The following SLC22A9 variants were observed in gnomAD, a reference collection of about 807,000 sequenced individuals.
The protein encoded by SLC22A9 is organic anion transporter 7.
A neutral mutation model predicts 50.1 loss-of-function variants in SLC22A9; 64 were observed. The observed-to-expected ratio is 1.28, with a 90% CI of 1.04 to 1.57. The LOEUF is 1.57. SLC22A9 is among the 40% of genes most tolerant of loss of function. SLC22A9 has a pLI of 0.00. For synonymous variants in SLC22A9, 261 were observed against 242.5 expected, an observed-to-expected ratio of 1.08 and a Z score of -0.71; for missense variants, 757 against 676.1, an observed-to-expected ratio of 1.12 and a Z score of -1.33.
chr11:63,400,540 A>G (rs941419543), intron 6 of SLC22A9, among the ~76,000 whole-genome samples: 1 of 152,130 alleles, frequency 6.6e-6, no homozygotes, highest in Non-Finnish European at 1.5e-5. Context: ...CCATCAAAGA[A>G]CAATCTAGAA....
chr11:63,370,173 C>T lies in SLC22A9; in HGVS notation c.117C>T (p.Asn39=), dbSNP rs754633521. The change falls in exon 1 of 10, where the codon AAC becomes AAT. Residue 39 remains asparagine (N), a synonymous_variant. Coordinates refer to ENST00000279178, the MANE Select transcript of SLC22A9 (RefSeq NM_080866.3). ...CATACCTTCATTTTATGCTGGAGAA[C>T]TTCACTGCATTCATACCTGGCCATC... The part of the protein sequence containing the change: ...VATYLHFMLE[N]FTAFIPGHRC... 3.7e-6 allele frequency: 6 copies of T among 1,614,092 alleles called. No individual in the cohort carries two copies. The highest frequency in any genetic ancestry group is 5.1e-6 in the Non-Finnish European group (6 of 1,179,938).
At position 63,410,018 on chromosome 11, in the gene SLC22A9, A is replaced by T; in HGVS notation, c.*156A>T. 1 of 678,980 alleles carries T rather than the reference A, an allele frequency of 1.5e-6. No homozygotes were observed. Among genetic ancestry groups the T allele is most frequent in the Non-Finnish European group, 2.4e-6 (1 of 412,118 alleles). The allele number at this position is 678,980 out of a possible 1,614,324, so 42.1% of individuals were successfully genotyped here. A position where few individuals can be genotyped will look rare whatever the true frequency, so the allele number is the denominator to read the frequency against. ...CACCTTGGGAGGCTGAGGCGGGCAGATCATGAGGTCAGAAGATAAAGACCA... is the reference window on the plus strand; with the variant it reads ...CACCTTGGGAGGCTGAGGCGGGCAGTTCATGAGGTCAGAAGATAAAGACCA... On this transcript the variant is annotated 3_prime_UTR_variant, in exon 10 of 10. Coordinates refer to ENST00000279178, the MANE Select transcript of SLC22A9 (RefSeq NM_080866.3).
At chr11:63,394,759 G>A (rs186194311) in intron 6 of SLC22A9, among the ~76,000 whole-genome samples, 29 of 151,982 alleles carry the variant, frequency 1.9e-4, no homozygotes, top group Admixed American at 1.3e-3. Flanking sequence ...TCTTATATTC[G>A]CGTGTCTAGT....
intron 6 of SLC22A9, among the ~76,000 whole-genome samples, chr11:63,396,501 C>G (rs993247026): frequency 6.6e-6 from 1 of 152,126 alleles, no homozygotes; most frequent in Admixed American, 6.6e-5. Context: ...TGGAGGATCT[C>G]TCTTTTCTAC....
rs1241683518 is a variant in SLC22A9, at chr11:63,382,149, AT to A, written c.955-8del. 2 of 1,591,696 alleles carry A rather than the reference AT, an allele frequency of 1.3e-6. No homozygotes were observed. The highest frequency in any genetic ancestry group is 1.4e-5 in the African/African-American group (1 of 73,512). ...AACTGTACAGTTTATTGTTTCTGCT[AT>A]TGTTGAAGATTTTGAAATCCACCAT... is the stretch of plus-strand genomic sequence containing the variant. On this transcript the variant is annotated splice_polypyrimidine_tract_variant and intron_variant, in intron 5 of 9. Coordinates refer to ENST00000279178, the MANE Select transcript of SLC22A9 (RefSeq NM_080866.3).
intron 1 of SLC22A9, among the ~76,000 whole-genome samples, chr11:63,370,689 G>T (rs534596837): frequency 6.6e-6 from 1 of 152,148 alleles, no homozygotes; most frequent in Non-Finnish European, 1.5e-5. Flanking sequence ...GGAGACCAAA[G>T]TTTAAACAAG....
At position 63,369,957 on chromosome 11, in the gene SLC22A9, C is replaced by A; in HGVS notation, c.-100C>A. 1 of 1,220,124 alleles carries A rather than the reference C, an allele frequency of 8.2e-7. No individual in the cohort carries two copies. 75.6% of individuals were successfully genotyped at this position (1,220,124 alleles called of 1,614,324 possible). On this transcript the variant is annotated 5_prime_UTR_variant, in exon 1 of 10. Transcript: ENST00000279178. ...GAAGAGAGTGGGGTCAGGATCAAAA[C>A]ACATTTAGTGTGACTTAGGGAAAGA...
intron 3 of SLC22A9, 40 bp downstream of exon 3, chr11:63,373,838 C>CT: frequency 6.2e-7 from 1 of 1,604,328 alleles, no homozygotes; most frequent in Non-Finnish European, 8.5e-7. Flanking sequence ...CAAACTGTGA[C>CT]TTTGAAATTG....
At chr11:63,396,543 A>G (rs1449453160) in intron 6 of SLC22A9, among the ~76,000 whole-genome samples, 1 of 152,012 alleles carries the variant, frequency 6.6e-6, no homozygotes, top group Non-Finnish European at 1.5e-5. Context: ...CGTATTTGGG[A>G]TATCTCCTGG....
chr11:63,390,627 A>T (rs1215493578), intron 6 of SLC22A9, among the ~76,000 whole-genome samples: 10 of 152,096 alleles, frequency 6.6e-5, no homozygotes, highest in Admixed American at 6.6e-4. Context: ...AGGTAGCATG[A>T]TGTCTCCAGC....
intron 1 of SLC22A9, among the ~76,000 whole-genome samples, chr11:63,370,822 C>T (rs1184667285): frequency 6.6e-6 from 1 of 152,140 alleles, no homozygotes; most frequent in Non-Finnish European, 1.5e-5. Context: ...CTAAAACAAT[C>T]ATATGAGAAG....
chr11:63,399,921 T>A (rs2014924996), intron 6 of SLC22A9, among the ~76,000 whole-genome samples: 2 of 152,062 alleles, frequency 1.3e-5, no homozygotes, highest in African/African-American at 4.8e-5. Context: ...TTAAACAATA[T>A]GCTCCTAAAT....
At position 63,370,316 on chromosome 11, in the gene SLC22A9, A is replaced by C. The variant is rs780185827; in HGVS notation, c.260A>C (p.Lys87Thr). The change falls in exon 1 of 10, where the codon AAG becomes ACG. Residue 87 changes from lysine (K) to threonine (T), a missense_variant. Lys to Thr is a moderately conservative substitution (Grantham distance 78, BLOSUM62 -1). Coordinates refer to ENST00000279178, the MANE Select transcript of SLC22A9 (RefSeq NM_080866.3). The stretch of plus-strand genomic sequence containing the variant: ...CTGGACTCAAACATGAGGCCAGAGA[A>C]GTGTCGTCGCTTTGTTCATCCTCAG... ...IPLDSNMRPE[K>T]CRRFVHPQWQ... 1 of 1,614,002 alleles carries C rather than the reference A, an allele frequency of 6.2e-7. No individual in the cohort carries two copies. Among genetic ancestry groups the C allele is most frequent in the East Asian group, 2.2e-5 (1 of 44,884 alleles).
chr11:63,409,254 G>C lies in SLC22A9; in HGVS notation c.1601+375G>C, dbSNP rs533626826. On this transcript the variant is annotated intron_variant, in intron 9 of 9. Coordinates refer to ENST00000279178, the MANE Select transcript of SLC22A9 (RefSeq NM_080866.3). Reference sequence around the variant, plus strand: ...TCCCTGGGAAACCCTCAAACAAGTGGGTACCTGTAAGCTGTCTGAGATTGC... The same window carrying C: ...TCCCTGGGAAACCCTCAAACAAGTGCGTACCTGTAAGCTGTCTGAGATTGC... 4.6e-5 allele frequency among the ~76,000 whole-genome samples: 7 copies of C among 152,196 alleles called. 1 individual carries two copies. The South Asian group carries it at 1.5e-3, about 32-fold the overall frequency.
At chr11:63,408,389 TG>T (rs2015077089) in intron 8 of SLC22A9, among the ~76,000 whole-genome samples, 169 bp downstream of exon 8, 1 of 152,238 alleles carries the variant, frequency 6.6e-6, no homozygotes, top group Non-Finnish European at 1.5e-5. Flanking sequence ...TTTTTGCCAC[TG>T]TATTAAGTCC....
Position 63,389,977 on chromosome 11 carries a change from T to G in SLC22A9, c.1073+7700T>G, listed in dbSNP as rs7930860. On this transcript the variant is annotated intron_variant, in intron 6 of 9. Coordinates refer to ENST00000279178, the MANE Select transcript of SLC22A9 (RefSeq NM_080866.3). ...ATGTTTGCTGGCCACATAAATGTTG[T>G]CTTTTGAGAAGCGTCTGTTGATATC... Among the ~76,000 whole-genome samples the G allele has an allele frequency of 2.3e-3, 356 of 152,318 alleles. 1 individual carries two copies. The highest frequency in any genetic ancestry group is 8.1e-3 in the African/African-American group (337 of 41,570).
chr11:63,396,008 C>A (rs2014848711), intron 6 of SLC22A9, among the ~76,000 whole-genome samples: 1 of 152,110 alleles, frequency 6.6e-6, no homozygotes, highest in Non-Finnish European at 1.5e-5. Context: ...TCACAGGCCT[C>A]ACCCAGCTCC....
chr11:63,409,520 C>T (rs1488984237), intron 9 of SLC22A9, among the ~76,000 whole-genome samples: 5 of 152,032 alleles, frequency 3.3e-5, no homozygotes, highest in African/African-American at 1.2e-4. Context: ...TCAAAGCCAT[C>T]CTGGGCCACA....
chr11:63,382,396 G>A (rs111648002), intron 6 of SLC22A9, 119 bp downstream of exon 6: 54 of 696,910 alleles, frequency 7.7e-5, no homozygotes, highest in East Asian at 4.0e-4. Flanking sequence ...TGAGAAAGCC[G>A]TAAAGAGAAT....
Sources: gnomAD v4.1 joint callset for allele counts (sites outside exome capture counted in the v4.1 genomes callset) on GRCh38, gnomAD v4.1.1 for gene constraint, MANE v1.5 for transcripts, NCBI Gene and HGNC (gene_info 2026-07-23, HGNC 2026-07-21) for gene names.